The following RFC3 variants were observed in gnomAD, a reference collection of about 807,000 sequenced individuals.
The protein encoded by RFC3 is A1 38 kDa subunit.
Under a neutral mutation model 45.1 loss-of-function variants are expected in RFC3, and 41 were observed. The observed-to-expected ratio is 0.91, with a 90% CI of 0.71 to 1.18. The LOEUF (loss-of-function observed/expected upper bound fraction) is 1.18, where lower values mean the gene tolerates loss of function less well. RFC3 is among the 50% of genes most tolerant of loss of function. The pLI is 0.00. For synonymous variants in RFC3, 149 were observed against 144.0 expected (o/e 1.03, Z -0.25); for missense variants, 423 against 428.1 (o/e 0.99, Z 0.10).
At chr13:33,845,440 C>T (rs576906959) in intron 8 of RFC3, among the ~76,000 whole-genome samples, 3 of 152,102 alleles carry the variant, frequency 2.0e-5, no homozygotes, top group African/African-American at 7.2e-5. Flanking sequence ...TTTTCTAGAT[C>T]GTGTAGGCAT....
rs767736964 is a variant in RFC3 at position 33,821,193 on chromosome 13, CAAG to C, written c.152_154del (p.Arg51del). On this transcript the variant is annotated inframe_deletion, in exon 2 of 9. Transcript: ENST00000380071. The stretch of plus-strand genomic sequence containing the variant: ...GGACCATCAGGTGCTGGAAAAAAGA[CAAG>C]AATTATGTGTATTCTACGTGAACTT... The C allele has an allele frequency of 1.9e-6, 3 of 1,613,346 alleles. No homozygotes were observed. The African/African-American group carries it at 4.0e-5, about 22-fold the overall frequency.
chr13:33,871,516 G>A (rs1206997081), intron 8 of RFC3, among the ~76,000 whole-genome samples: 1 of 152,184 alleles, frequency 6.6e-6, no homozygotes, highest in Non-Finnish European at 1.5e-5. Flanking sequence ...ATTGGCCACA[G>A]CCAGCTAATC....
downstream of RFC3, among the ~76,000 whole-genome samples, chr13:33,970,582 A>C (rs1168780959): frequency 2.0e-5 from 3 of 152,226 alleles, no homozygotes; most frequent in East Asian, 5.8e-4. Context: ...CTGAGACAAG[A>C]ATTTGAGTGC....
At chr13:33,960,246 A>G (rs2083048343) in intron 8 of RFC3, among the ~76,000 whole-genome samples, 1 of 152,094 alleles carries the variant, frequency 6.6e-6, no homozygotes, top group Non-Finnish European at 1.5e-5. Flanking sequence ...AAAAACAAAA[A>G]TCAAGTGATG....
At chr13:33,842,261 T>C (rs1052227403), downstream of RFC3, among the ~76,000 whole-genome samples, 11 of 151,782 alleles carry the variant, frequency 7.2e-5, no homozygotes, top group African/African-American at 2.7e-4. Context: ...GCACCCCAGC[T>C]TGGGCCACAG....
chr13:33,912,957 G>C (rs2082712017), intron 8 of RFC3, among the ~76,000 whole-genome samples: 1 of 152,080 alleles, frequency 6.6e-6, no homozygotes, highest in Non-Finnish European at 1.5e-5. Flanking sequence ...GCACTCACCA[G>C]ATGCTACTGA....
At chr13:33,865,522 G>A (rs2082367620) in intron 8 of RFC3, among the ~76,000 whole-genome samples, 1 of 152,136 alleles carries the variant, frequency 6.6e-6, no homozygotes, top group African/African-American at 2.4e-5. Flanking sequence ...AAAATCTACA[G>A]GGAAATGAAT....
At chr13:33,880,575 G>T (rs985016195) in intron 8 of RFC3, among the ~76,000 whole-genome samples, 17 of 152,234 alleles carry the variant, frequency 1.1e-4, no homozygotes, top group Non-Finnish European at 2.2e-4. Flanking sequence ...GTGCAAATGG[G>T]GAACTGAATT....
intron 8 of RFC3, among the ~76,000 whole-genome samples, chr13:33,920,112 G>A (rs548637651): frequency 4.6e-5 from 7 of 152,216 alleles, no homozygotes; most frequent in Non-Finnish European, 1.0e-4. Context: ...TTATGTGTTT[G>A]GATTGAAGGG....
intron 8 of RFC3, among the ~76,000 whole-genome samples, chr13:33,919,884 A>G (rs17080180): frequency 0.26 from 40,244 of 152,090 alleles, 7,779 homozygotes; most frequent in African/African-American, 0.52. Context: ...TTAATTGTGC[A>G]TACTTAACCT....
chr13:33,827,262 C>A (rs2082058381), intron 4 of RFC3, among the ~76,000 whole-genome samples: 2 of 152,106 alleles, frequency 1.3e-5, no homozygotes, highest in Admixed American at 1.3e-4. Flanking sequence ...GTACTCCAGC[C>A]AGGGTGACAG....
At chr13:33,967,072 A>G (rs896612164), downstream of RFC3, among the ~76,000 whole-genome samples, 1 of 152,030 alleles carries the variant, frequency 6.6e-6, no homozygotes, top group Admixed American at 6.6e-5. Context: ...TGGGAGGATC[A>G]CTAGATCCCA....
rs548753493 is a variant in RFC3, at chr13:33,859,087, C to T, written c.879+23870C>T. On this transcript the variant is annotated intron_variant, in intron 8 of 8. Transcript: ENST00000434425. ...TCACATTTATTGTTCCTGGTATAAA[C>T]GAAATGCCACAAATACACCATGATT... is the stretch of plus-strand genomic sequence containing the variant. Among the ~76,000 whole-genome samples, 56 of 152,242 alleles carry T rather than the reference C, an allele frequency of 3.7e-4. 1 individual carries two copies. Among genetic ancestry groups the T allele is most frequent in the African/African-American group, 1.3e-3 (55 of 41,532 alleles).
intron 8 of RFC3, among the ~76,000 whole-genome samples, chr13:33,916,675 G>A (rs1202631497): frequency 6.6e-6 from 1 of 152,094 alleles, no homozygotes; most frequent in Admixed American, 6.5e-5. Flanking sequence ...TGTATATGTA[G>A]GCATGTGTGT....
chr13:33,972,698 T>TA, the RFC3 span, among the ~76,000 whole-genome samples: 1 of 152,224 alleles, frequency 6.6e-6, no homozygotes, highest in Non-Finnish European at 1.5e-5. Context: ...ATATTAGCTC[T>TA]ACTTAGTACC....
downstream of RFC3, among the ~76,000 whole-genome samples, chr13:33,969,274 A>C (rs555177890): frequency 3.3e-5 from 5 of 152,332 alleles, no homozygotes; most frequent in Admixed American, 2.6e-4. Flanking sequence ...CTCAAAGCTA[A>C]AGCAATTAGT....
Position 33,818,170 on chromosome 13 carries a change from C to A in RFC3, c.-9C>A. The A allele has an allele frequency of 6.2e-7, 1 of 1,610,676 alleles. No homozygotes were observed. The highest frequency in any genetic ancestry group is 8.5e-7 in the Non-Finnish European group (1 of 1,178,462). On this transcript the variant is annotated 5_prime_UTR_variant, in exon 1 of 9. Transcript: ENST00000380071. ...TTTCAAGCGTAGGCCCCCGGGAACT[C>A]GAGCTGCCATGAGCCTCTGGGTGGA...
chr13:33,912,374 A>G (rs2082708677), intron 8 of RFC3, among the ~76,000 whole-genome samples: 1 of 152,094 alleles, frequency 6.6e-6, no homozygotes, highest in Non-Finnish European at 1.5e-5. Context: ...GACAAATGCA[A>G]TAAATGTCCT....
chr13:33,838,483 CGTTTCTGTT>C (rs1412292179), downstream of RFC3, among the ~76,000 whole-genome samples: 3 of 152,094 alleles, frequency 2.0e-5, no homozygotes, highest in African/African-American at 7.2e-5. Flanking sequence ...GCTGCCTTCA[CGTTTCTGTT>C]GTTTCTGATG....
Sources: gnomAD v4.1 joint callset for allele counts (sites outside exome capture counted in the v4.1 genomes callset) on GRCh38, gnomAD v4.1.1 for gene constraint, MANE v1.5 for transcripts, NCBI Gene and HGNC (gene_info 2026-07-23, HGNC 2026-07-21) for gene names.